Variants in PCDHGB2 observed in about 807,000 individuals in gnomAD.
PCDHGB2 encodes protocadherin gamma subfamily B, 2.
In PCDHGB2, 55 loss-of-function variants were observed where a neutral mutation model predicts 59.3. That is an observed-to-expected ratio of 0.93 (90% CI 0.75 to 1.16). The LOEUF is 1.16. PCDHGB2 is among the 50% of genes most tolerant of loss of function. The pLI, the probability that PCDHGB2 is intolerant of heterozygous loss-of-function variation, is 0.00. For missense variants in PCDHGB2, 1,228 were observed against 1,198.5 expected (o/e 1.02, Z -0.36); for synonymous variants, 516 against 512.0 (o/e 1.01, Z -0.11).
chr5:141,478,049 A>G, intron 1 of PCDHGB2: 2 of 1,614,056 alleles, frequency 1.2e-6, no homozygotes, highest in Middle Eastern at 3.3e-4. Flanking sequence ...GCAGACTCTC[A>G]CGGTCTTGAT....
chr5:141,384,735 C>T (rs1258816819), intron 1 of PCDHGB2: 9 of 1,614,026 alleles, frequency 5.6e-6, no homozygotes, highest in Non-Finnish European at 6.8e-6. Flanking sequence ...TTAAGGCCAG[C>T]GAGCCAGGAC....
At chr5:141,368,053 G>T (rs903322143) in intron 1 of PCDHGB2, among the ~76,000 whole-genome samples, 8 of 152,166 alleles carry the variant, frequency 5.3e-5, no homozygotes, top group Non-Finnish European at 1.2e-4. Flanking sequence ...TGTAATGAAA[G>T]AACTACTATA....
At position 141,379,404 on chromosome 5, in the gene PCDHGB2, G is replaced by C. The variant is rs146281241; in HGVS notation, c.2421+16848G>C. ...ACAATTTTAAACAACTTGAATCTTGGATATTAGTCTCATGAGTTAGATGGG... is the reference window on the plus strand; with the variant it reads ...ACAATTTTAAACAACTTGAATCTTGCATATTAGTCTCATGAGTTAGATGGG... On this transcript the variant is annotated intron_variant, in intron 1 of 3. Coordinates refer to ENST00000522605, the MANE Select transcript of PCDHGB2 (RefSeq NM_018923.3). 549 of 152,154 alleles carry C rather than the reference G, an allele frequency of 3.6e-3. 6 individuals are homozygous for C. Among genetic ancestry groups the C allele is most frequent in the African/African-American group, 0.012 (518 of 41,502 alleles). 9.4% of individuals were successfully genotyped at this position (152,154 alleles called of 1,614,324 possible). A position where few individuals can be genotyped will look rare whatever the true frequency, so the allele number is the denominator to read the frequency against.
chr5:141,421,374 C>T, intron 1 of PCDHGB2: 1 of 1,614,062 alleles, frequency 6.2e-7, no homozygotes, highest in Non-Finnish European at 8.5e-7. Flanking sequence ...TGGGCAATAT[C>T]TCCAAGGACC....
intron 1 of PCDHGB2, chr5:141,384,592 C>T (rs1780248278): frequency 6.2e-7 from 1 of 1,614,120 alleles, no homozygotes; most frequent in African/African-American, 1.3e-5. Flanking sequence ...GATCCTGTAC[C>T]CGGCCCTCCC....
At chr5:141,379,660 C>T (rs922191885) in intron 1 of PCDHGB2, 1 of 152,100 alleles carries the variant, frequency 6.6e-6, no homozygotes, top group African/African-American at 2.4e-5. Flanking sequence ...CTTCTACTCT[C>T]ACAAAAGTCA....
rs534816363 is a variant in PCDHGB2, at chr5:141,456,234, G to T, written c.2422-38573G>T. Among the ~76,000 whole-genome samples the T allele has an allele frequency of 2.2e-4, 33 of 152,224 alleles. 1 individual carries two copies. The South Asian group carries it at 6.9e-3, about 32-fold the overall frequency. On this transcript the variant is annotated intron_variant, in intron 1 of 3. Transcript: ENST00000522605. ...CTGTGGCGATATCAAACTAACTGCT[G>T]TTAGGAGGCTTTGGGCGACCATTGC...
chr5:141,405,439 A>G (rs1285285172), intron 1 of PCDHGB2: 1 of 1,423,798 alleles, frequency 7.0e-7, no homozygotes, highest in Admixed American at 2.0e-5. Context: ...TTTGTTTTTG[A>G]GACAGAGTCT....
rs746906389 is a variant in PCDHGB2 at position 141,384,782 on chromosome 5, C to T, written c.2421+22226C>T. The T allele has an allele frequency of 5.0e-6, 8 of 1,613,640 alleles. No individual in the cohort carries two copies. The highest frequency in any genetic ancestry group is 5.9e-6 in the Non-Finnish European group (7 of 1,179,944). On this transcript the variant is annotated intron_variant, in intron 1 of 3. Transcript: ENST00000522605. The stretch of plus-strand genomic sequence containing the variant: ...GGGCTGTACACGGGCGAGGTGCGCA[C>T]GGCTCGGGCCCTGCTGGACAGAGAT...
rs1018272442 is a variant in PCDHGB2 at position 141,419,770 on chromosome 5, G to T, written c.2421+57214G>T. The stretch of plus-strand genomic sequence containing the variant: ...TGCGTGCTTTGGGTGACAAGGACTC[G>T]GTCCGCCAGCGCCTGCTAGTCGCTG... On this transcript the variant is annotated intron_variant, in intron 1 of 3. Transcript: ENST00000522605. 6.2e-6 allele frequency: 10 copies of T among 1,613,888 alleles called. No homozygotes were observed. The African/African-American group carries it at 1.2e-4, about 19-fold the overall frequency.
intron 1 of PCDHGB2, among the ~76,000 whole-genome samples, chr5:141,444,758 T>C (rs1430492886): frequency 1.3e-5 from 2 of 152,262 alleles, no homozygotes; most frequent in East Asian, 3.8e-4. Flanking sequence ...TATGTAGTTC[T>C]ATTTCTATAT....
chr5:141,390,189 G>A (rs1295174277), intron 1 of PCDHGB2: 3 of 1,613,922 alleles, frequency 1.9e-6, no homozygotes, highest in East Asian at 2.2e-5. Flanking sequence ...AAAATGTAGT[G>A]AGCAGTTGAG....
chr5:141,412,301 T>C (rs925243467), intron 1 of PCDHGB2: 3 of 152,260 alleles, frequency 2.0e-5, no homozygotes, highest in Non-Finnish European at 2.9e-5. Context: ...TCTTTTCTCA[T>C]TACAATGCAA....
At position 141,361,290 on chromosome 5, in the gene PCDHGB2, A is replaced by G; in HGVS notation, c.1155A>G (p.Gln385=). ...GAGAAAATGGAGAAGTTTACTGCCAAGTGTTGGGAAATGCCAAGTTTATTT... is the reference window on the plus strand; with the variant it reads ...GAGAAAATGGAGAAGTTTACTGCCAGGTGTTGGGAAATGCCAAGTTTATTT... The part of the protein sequence containing the change: ...DSGENGEVYC[Q]VLGNAKFILK... Residue 385 remains glutamine (Q), a synonymous_variant, in exon 1 of 4, where the codon CAA becomes CAG. Coordinates refer to ENST00000522605, the MANE Select transcript of PCDHGB2 (RefSeq NM_018923.3). 6.2e-7 allele frequency: 1 copy of G among 1,614,038 alleles called. No homozygotes were observed. The highest frequency in any genetic ancestry group is 2.2e-5 in the East Asian group (1 of 44,882).
intron 2 of PCDHGB2, among the ~76,000 whole-genome samples, chr5:141,502,654 C>G (rs1424933188): frequency 6.6e-6 from 1 of 152,112 alleles, no homozygotes; most frequent in African/African-American, 2.4e-5. Context: ...TAGGCAGCAA[C>G]CCTTCATGCA....
At chr5:141,460,536 G>T (rs911670681) in intron 1 of PCDHGB2, among the ~76,000 whole-genome samples, 1 of 152,092 alleles carries the variant, frequency 6.6e-6, no homozygotes, top group African/African-American at 2.4e-5. Context: ...AATAATCTTA[G>T]CACCTTAATC....
chr5:141,399,750 C>A, intron 1 of PCDHGB2: 1 of 1,613,330 alleles, frequency 6.2e-7, no homozygotes, highest in Non-Finnish European at 8.5e-7. Flanking sequence ...TCAGCGCAAA[C>A]GTGAGCCTGC....
At chr5:141,385,113 G>A (rs541716228) in intron 1 of PCDHGB2, 3 of 1,614,166 alleles carry the variant, frequency 1.9e-6, no homozygotes, top group South Asian at 2.2e-5. Context: ...TGCCCACCTC[G>A]CACTTTGTGG....
Position 141,490,795 on chromosome 5 carries a change from C to G in PCDHGB2, c.2422-4012C>G. The G allele has an allele frequency of 6.2e-7, 1 of 1,614,036 alleles. No homozygotes were observed. The highest frequency in any genetic ancestry group is 1.1e-5 in the South Asian group (1 of 91,084). Reference sequence around the variant, plus strand: ...CCCAGAGGATGGACGGATCTTTGCCCAGCGTACCTTTGACTATGAATTGCT... The same window carrying G: ...CCCAGAGGATGGACGGATCTTTGCCGAGCGTACCTTTGACTATGAATTGCT... On this transcript the variant is annotated intron_variant, in intron 1 of 3. Transcript: ENST00000522605. This position sits in a 1 kb window ranked among gnomAD's most constrained non-coding sequence, Gnocchi z 5.4.
Sources: allele counts gnomAD v4.1 joint callset (sites outside exome capture counted in the v4.1 genomes callset), GRCh38; gene constraint gnomAD v4.1.1; non-coding constraint Gnocchi (gnomAD v3.1); transcripts MANE v1.5; gene names NCBI Gene and HGNC (gene_info 2026-07-23, HGNC 2026-07-21).